Variants in GALNTL6 observed in about 807,000 individuals in gnomAD.
GALNTL6 encodes polypeptide N-acetylgalactosaminyltransferase like 6.
Under a neutral mutation model 73.7 loss-of-function variants are expected in GALNTL6, and 46 were observed. That is an observed-to-expected ratio of 0.62 (90% CI 0.49 to 0.80). The LOEUF (loss-of-function observed/expected upper bound fraction) is 0.80. Ranked by LOEUF, GALNTL6 falls within the 30% of genes least tolerant of loss-of-function variation. The pLI is 0.00. For synonymous variants in GALNTL6, 259 were observed against 263.7 expected (o/e 0.98, Z 0.17); for missense variants, 604 against 755.0 (o/e 0.80, Z 2.34).
intron 2 of GALNTL6, among the ~76,000 whole-genome samples, chr4:171,974,941 G>A (rs950998875): frequency 2.4e-4 from 36 of 151,996 alleles, no homozygotes; most frequent in African/African-American, 8.5e-4. Context: ...AGTCTCTCAC[G>A]GCAAGGTTGG....
chr4:172,813,204 T>A (rs1741411176), intron 6 of GALNTL6, among the ~76,000 whole-genome samples: 1 of 152,132 alleles, frequency 6.6e-6, no homozygotes, highest in Non-Finnish European at 1.5e-5. Context: ...ACAATAACTG[T>A]TTATACTCTG....
intron 3 of GALNTL6, among the ~76,000 whole-genome samples, chr4:172,232,349 C>T (rs953115130): frequency 1.3e-5 from 2 of 151,838 alleles, no homozygotes; most frequent in African/African-American, 4.8e-5. Context: ...GTATGACTTT[C>T]TTCTTTCACT....
Position 172,012,364 on chromosome 4 carries a change from G to T in GALNTL6, c.138+197646G>T, listed in dbSNP as rs190786191. Among the ~76,000 whole-genome samples the T allele has an allele frequency of 2.3e-4, 35 of 152,036 alleles. No homozygotes were observed. In the East Asian group the frequency reaches 5.4e-3, roughly 24 times the overall value. On this transcript the variant is annotated intron_variant, in intron 2 of 12. Coordinates refer to ENST00000506823, the MANE Select transcript of GALNTL6 (RefSeq NM_001034845.3). Reference sequence around the variant, plus strand: ...CCTTCTTCCAGGGTCTACTCTCTAGGCCACTGTGTCTCAAAGTAGTGTTTT... The same window carrying T: ...CCTTCTTCCAGGGTCTACTCTCTAGTCCACTGTGTCTCAAAGTAGTGTTTT...
intron 5 of GALNTL6, among the ~76,000 whole-genome samples, chr4:172,750,106 T>C (rs1156382559): frequency 6.6e-6 from 1 of 152,204 alleles, no homozygotes; most frequent in East Asian, 1.9e-4. Context: ...AAATTTTATA[T>C]CTGCTATAGG....
chr4:172,296,910 T>C (rs1005975043), intron 3 of GALNTL6, among the ~76,000 whole-genome samples: 2 of 152,188 alleles, frequency 1.3e-5, no homozygotes, highest in African/African-American at 2.4e-5. Flanking sequence ...ATGGTATTTC[T>C]AGTTCTAGAT....
chr4:172,163,181 T>A (rs1734525153), intron 2 of GALNTL6, among the ~76,000 whole-genome samples: 1 of 152,062 alleles, frequency 6.6e-6, no homozygotes, highest in Non-Finnish European at 1.5e-5. Flanking sequence ...CATTTATAAT[T>A]TTATATAATT....
At chr4:172,676,547 A>G (rs1348221880) in intron 5 of GALNTL6, among the ~76,000 whole-genome samples, 1 of 152,216 alleles carries the variant, frequency 6.6e-6, no homozygotes, top group East Asian at 1.9e-4. Flanking sequence ...GCTTGGGTGC[A>G]TTGAGCAAGC....
At chr4:172,267,759 C>T (rs6825516) in intron 3 of GALNTL6, among the ~76,000 whole-genome samples, 1 of 151,846 alleles carries the variant, frequency 6.6e-6, no homozygotes, top group African/African-American at 2.4e-5. Context: ...GAAATTAAGA[C>T]AGTGGGGCAT....
chr4:172,570,948 G>T (rs980176235), intron 5 of GALNTL6, among the ~76,000 whole-genome samples: 1 of 152,112 alleles, frequency 6.6e-6, no homozygotes, highest in African/African-American at 2.4e-5. Context: ...AGTAGGGTTT[G>T]TGCTCGTATG....
chr4:171,925,633 C>T (rs1350966476), intron 2 of GALNTL6, among the ~76,000 whole-genome samples: 1 of 152,136 alleles, frequency 6.6e-6, no homozygotes, highest in Non-Finnish European at 1.5e-5. Flanking sequence ...GACTACATCT[C>T]CATTTTAGAA....
chr4:172,515,731 G>C (rs577991166), intron 5 of GALNTL6, among the ~76,000 whole-genome samples: 1 of 152,302 alleles, frequency 6.6e-6, no homozygotes, highest in African/African-American at 2.4e-5. Context: ...TACTGGAACA[G>C]AGTTGGGCTC....
chr4:172,196,974 C>A (rs746106542), intron 2 of GALNTL6, among the ~76,000 whole-genome samples: 2 of 152,164 alleles, frequency 1.3e-5, no homozygotes, highest in African/African-American at 4.8e-5. Context: ...AAAAGGCATT[C>A]ATATAGGAAG....
At chr4:172,533,316 ATTTT>A (rs34973148) in intron 5 of GALNTL6, among the ~76,000 whole-genome samples, 2 of 77,394 alleles carry the variant, frequency 2.6e-5, no homozygotes, top group African/African-American at 5.6e-5. Context: ...CCCGGCCAGA[ATTTT>A]TTTTTTTTTT....
intron 2 of GALNTL6, among the ~76,000 whole-genome samples, chr4:171,827,054 CT>C (rs1346770079): frequency 6.6e-6 from 1 of 152,042 alleles, no homozygotes; most frequent in Non-Finnish European, 1.5e-5. Context: ...GAACAGCCAC[CT>C]GGAAACATGG....
chr4:172,046,756 A>G (rs1579086275), intron 2 of GALNTL6, among the ~76,000 whole-genome samples: 1 of 152,124 alleles, frequency 6.6e-6, no homozygotes, highest in African/African-American at 2.4e-5. Context: ...AGTTTCTTAT[A>G]TATCTTGTAT....
At chr4:172,168,108 T>G (rs998222960) in intron 2 of GALNTL6, among the ~76,000 whole-genome samples, 1 of 152,222 alleles carries the variant, frequency 6.6e-6, no homozygotes, top group Non-Finnish European at 1.5e-5. Context: ...AGCAACGGTC[T>G]GGAAAGTGTC....
chr4:172,847,912 A>G (rs1009000119), intron 7 of GALNTL6, among the ~76,000 whole-genome samples: 1 of 152,136 alleles, frequency 6.6e-6, no homozygotes, highest in African/African-American at 2.4e-5. Context: ...TCTACTAACC[A>G]TTAAGTATGA....
chr4:172,910,502 T>C (rs1464749208), intron 8 of GALNTL6, among the ~76,000 whole-genome samples: 1 of 152,218 alleles, frequency 6.6e-6, no homozygotes, highest in Non-Finnish European at 1.5e-5. Flanking sequence ...TCAATATGCA[T>C]TCTCTGTTGG....
intron 5 of GALNTL6, among the ~76,000 whole-genome samples, chr4:172,591,918 A>G (rs1477676687): frequency 3.9e-5 from 6 of 152,228 alleles, no homozygotes; most frequent in Admixed American, 3.3e-4. Flanking sequence ...GAAAAACCCT[A>G]CACTGCACAA....
Sources: allele counts gnomAD v4.1 joint callset (sites outside exome capture counted in the v4.1 genomes callset), GRCh38; gene constraint gnomAD v4.1.1; transcripts MANE v1.5; gene names NCBI Gene and HGNC (gene_info 2026-07-23, HGNC 2026-07-21).